Variants in DAP observed in about 807,000 individuals in gnomAD.
The protein encoded by DAP is death associated protein.
DAP carries 8 observed loss-of-function variants against 13.8 expected under a neutral mutation model. That is an observed-to-expected ratio of 0.58 (90% CI 0.34 to 1.05). DAP has a LOEUF of 1.05. Among genes scored for constraint, DAP ranks in the 50% least tolerant of loss-of-function variants. The pLI is 0.03. For missense variants in DAP, 106 were observed against 133.2 expected (o/e 0.80, Z 1.01); for synonymous variants, 47 against 47.5 (o/e 0.99, Z 0.04).
chr5:10,708,758 C>T (rs974210423), intron 2 of DAP, among the ~76,000 whole-genome samples: 2 of 152,198 alleles, frequency 1.3e-5, no homozygotes, highest in Admixed American at 6.5e-5. Flanking sequence ...TATAGGAATG[C>T]GTTTGGGGTC....
At chr5:10,745,565 C>A (rs960027333) in intron 2 of DAP, among the ~76,000 whole-genome samples, 3 of 152,188 alleles carry the variant, frequency 2.0e-5, no homozygotes, top group African/African-American at 7.2e-5. Flanking sequence ...CATCCTCTGG[C>A]ATATTTATTT....
At chr5:10,723,691 C>G (rs1018432057) in intron 2 of DAP, among the ~76,000 whole-genome samples, 9 of 152,234 alleles carry the variant, frequency 5.9e-5, no homozygotes, top group African/African-American at 2.2e-4. Flanking sequence ...GAGATTCTAT[C>G]ACAGGCTCCA....
chr5:10,696,258 T>C (rs541575259), intron 2 of DAP, among the ~76,000 whole-genome samples: 7 of 152,092 alleles, frequency 4.6e-5, no homozygotes, highest in Admixed American at 1.3e-4. Flanking sequence ...TCAAAATTCA[T>C]CACATATACA....
Position 10,680,041 on chromosome 5 carries a change from T to C in DAP, c.*1015A>G, listed in dbSNP as rs1413260629. Reference sequence around the variant, plus strand: ...ATCTAAAAATCGGAGGACAACCTGATGCACCCAAGTGACAATGGACCCAGG... The same window carrying C: ...ATCTAAAAATCGGAGGACAACCTGACGCACCCAAGTGACAATGGACCCAGG... On this transcript the variant is annotated 3_prime_UTR_variant, in exon 4 of 4. Transcript: ENST00000230895. 6.6e-6 allele frequency: 1 copy of C among 152,594 alleles called. No individual in the cohort carries two copies. Among genetic ancestry groups the C allele is most frequent in the Non-Finnish European group, 1.5e-5 (1 of 68,228 alleles). 9.5% of individuals were successfully genotyped at this position (152,594 alleles called of 1,614,324 possible). A position where few individuals can be genotyped will look rare whatever the true frequency, so the allele number is the denominator to read the frequency against.
rs1737931495 is a variant in DAP at position 10,679,672 on chromosome 5, G to GTTGA, written c.*1380_*1383dup. ...AAGGGTACATGCCGGCTTCCCTTAA[G>GTTGA]TTGATTAGATGGGAAACCAAACACC... is the stretch of plus-strand genomic sequence containing the variant. On this transcript the variant is annotated 3_prime_UTR_variant, in exon 4 of 4. Transcript: ENST00000230895. 6.6e-6 allele frequency: 1 copy of GTTGA among 152,454 alleles called. No individual in the cohort carries two copies. The highest frequency in any genetic ancestry group is 6.5e-5 in the Admixed American group (1 of 15,284). The allele number at this position is 152,454 out of a possible 1,614,324, so 9.4% of individuals were successfully genotyped here.
At chr5:10,693,664 G>A (rs544955508) in intron 2 of DAP, among the ~76,000 whole-genome samples, 1 of 152,334 alleles carries the variant, frequency 6.6e-6, no homozygotes, top group South Asian at 2.1e-4. Flanking sequence ...GGGCTGTATA[G>A]TGCATGTAAT....
rs188100114 is a variant in DAP at position 10,697,105 on chromosome 5, C to A, written c.153-13534G>T. ...AATGTGGAACATACTGGGGGGAAGCCCGCCTAGGCTTAGCTCTAAAGCTAC... is the reference window on the plus strand; with the variant it reads ...AATGTGGAACATACTGGGGGGAAGCACGCCTAGGCTTAGCTCTAAAGCTAC... On this transcript the variant is annotated intron_variant, in intron 2 of 3. Transcript: ENST00000230895. Among the ~76,000 whole-genome samples the A allele has an allele frequency of 1.6e-3, 241 of 152,296 alleles. 1 individual carries two copies. Among genetic ancestry groups the A allele is most frequent in the African/African-American group, 5.5e-3 (228 of 41,544 alleles).
rs74738727 is a variant in DAP at position 10,742,111 on chromosome 5, C to T, written c.152+6064G>A. On this transcript the variant is annotated intron_variant, in intron 2 of 3. Coordinates refer to ENST00000230895, the MANE Select transcript of DAP (RefSeq NM_004394.3). ...TTGCCTCCTGGTGATATTCTAGTTA[C>T]CTCCTTTCTTATACATTAAGTAACT... Among the ~76,000 whole-genome samples the T allele has an allele frequency of 2.1e-3, 312 of 151,752 alleles. 5 individuals carry two copies. In the East Asian group the frequency reaches 0.036, roughly 18 times the overall value.
At chr5:10,701,734 T>A (rs1738582653) in intron 2 of DAP, among the ~76,000 whole-genome samples, 1 of 152,300 alleles carries the variant, frequency 6.6e-6, no homozygotes, top group Admixed American at 6.5e-5. Context: ...GTTATGTCCC[T>A]GATTCCCTGG....
At position 10,739,787 on chromosome 5, in the gene DAP, TCACACA is replaced by T. The variant is rs35309839; in HGVS notation, c.152+8382_152+8387del. Among the ~76,000 whole-genome samples, 1,441 of 148,594 alleles carry T rather than the reference TCACACA, an allele frequency of 9.7e-3. 6 individuals carry two copies. The highest frequency in any genetic ancestry group is 0.013 in the Non-Finnish European group (903 of 66,984). ...GTTCAACTATAAATACTAAATTAAC[TCACACA>T]CACACACACACACACACACACACAC... On this transcript the variant is annotated intron_variant, in intron 2 of 3. Coordinates refer to ENST00000230895, the MANE Select transcript of DAP (RefSeq NM_004394.3).
At chr5:10,729,550 T>G (rs1739383629) in intron 2 of DAP, among the ~76,000 whole-genome samples, 1 of 152,266 alleles carries the variant, frequency 6.6e-6, no homozygotes, top group Non-Finnish European at 1.5e-5. Flanking sequence ...AAATTCAAAG[T>G]GATCTAGTTA....
At chr5:10,728,975 T>C (rs914114539) in intron 2 of DAP, among the ~76,000 whole-genome samples, 2 of 152,268 alleles carry the variant, frequency 1.3e-5, no homozygotes, top group East Asian at 3.8e-4. Flanking sequence ...AAATTCTATG[T>C]GCTCTTTTAG....
At chr5:10,720,887 C>T (rs185067970) in intron 2 of DAP, among the ~76,000 whole-genome samples, 1 of 152,354 alleles carries the variant, frequency 6.6e-6, no homozygotes, top group African/African-American at 2.4e-5. Flanking sequence ...AATGCTTCTG[C>T]CAAGACTACC....
At chr5:10,719,705 C>T (rs1332529904) in intron 2 of DAP, among the ~76,000 whole-genome samples, 3 of 152,156 alleles carry the variant, frequency 2.0e-5, no homozygotes, top group African/African-American at 4.8e-5. Context: ...GGCTTGAGCA[C>T]GTCCTGAAGG....
At chr5:10,715,882 A>C (rs1293139715) in intron 2 of DAP, among the ~76,000 whole-genome samples, 1 of 152,220 alleles carries the variant, frequency 6.6e-6, no homozygotes, top group East Asian at 1.9e-4. Flanking sequence ...CGTAACAATT[A>C]ATTTGATGAT....
At chr5:10,752,507 T>C (rs1740071612) in intron 1 of DAP, among the ~76,000 whole-genome samples, 1 of 152,228 alleles carries the variant, frequency 6.6e-6, no homozygotes, top group Admixed American at 6.5e-5. Context: ...CTTAGATTTT[T>C]GTCGTGGTGG....
intron 2 of DAP, among the ~76,000 whole-genome samples, chr5:10,712,972 T>A (rs1406109500): frequency 6.6e-6 from 1 of 152,122 alleles, no homozygotes; most frequent in African/African-American, 2.4e-5. Context: ...CATCTACTCA[T>A]TAGTGCAGGC....
At chr5:10,755,791 C>T (rs1014201406) in intron 1 of DAP, among the ~76,000 whole-genome samples, 15 of 152,174 alleles carry the variant, frequency 9.9e-5, no homozygotes, top group African/African-American at 3.6e-4. Context: ...TAAGAATGCA[C>T]AGGGCACTGG....
chr5:10,750,985 A>G (rs1266963938), intron 1 of DAP, among the ~76,000 whole-genome samples: 1 of 152,242 alleles, frequency 6.6e-6, no homozygotes, highest in African/African-American at 2.4e-5. Context: ...GAACTCATGT[A>G]AAAGCAAGCC....
Sources: gnomAD v4.1 joint callset for allele counts (sites outside exome capture counted in the v4.1 genomes callset) on GRCh38, gnomAD v4.1.1 for gene constraint, MANE v1.5 for transcripts, NCBI Gene and HGNC (gene_info 2026-07-23, HGNC 2026-07-21) for gene names.